ZNF423: variants seen among roughly 807,000 people sequenced by gnomAD.
ZNF423 encodes zinc finger protein 423.
Under a neutral mutation model 95.8 loss-of-function variants are expected in ZNF423, and 12 were observed. That is an observed-to-expected ratio of 0.13 (90% confidence interval 0.08 to 0.20). ZNF423 has a LOEUF of 0.20. Among genes scored for constraint, ZNF423 ranks in the 10% least tolerant of loss-of-function variants. The pLI, the probability that ZNF423 is intolerant of heterozygous loss-of-function variation, is 1.00. For missense variants in ZNF423, 1,316 were observed against 1,737.1 expected (o/e 0.76, Z 4.31); for synonymous variants, 749 against 711.9 (o/e 1.05, Z -0.83).
rs534706791 is a variant in ZNF423, at chr16:49,628,237, C to T, written c.3517-1983G>A. Among the ~76,000 whole-genome samples the T allele has an allele frequency of 2.0e-5, 3 of 151,380 alleles. No individual in the cohort carries two copies. In the South Asian group the frequency reaches 6.3e-4, roughly 32 times the overall value. ...CCCATTTATCTACATACTCACACAC[C>T]CATCCACCCATACTCCATCTACCCA... On this transcript the variant is annotated intron_variant, in intron 4 of 7. Transcript: ENST00000563137.
chr16:49,630,986 C>T (rs2151873497), intron 4 of ZNF423, among the ~76,000 whole-genome samples: 1 of 152,186 alleles, frequency 6.6e-6, no homozygotes, highest in East Asian at 1.9e-4. Flanking sequence ...CCCCAACTCA[C>T]CAGCAACACA....
At chr16:49,497,286 T>C (rs1967201190) in intron 7 of ZNF423, among the ~76,000 whole-genome samples, 1 of 152,214 alleles carries the variant, frequency 6.6e-6, no homozygotes, top group Non-Finnish European at 1.5e-5. Flanking sequence ...ACTGAGTTCC[T>C]GTCTGTCAGG....
At chr16:49,524,788 G>A (rs1968538326) in intron 6 of ZNF423, among the ~76,000 whole-genome samples, 1 of 152,222 alleles carries the variant, frequency 6.6e-6, no homozygotes. Flanking sequence ...CACACCGGCT[G>A]CCATCTGGGC....
chr16:49,514,220 G>GCACACA (rs1567435529), intron 7 of ZNF423, among the ~76,000 whole-genome samples: 8 of 133,068 alleles, frequency 6.0e-5, no homozygotes, highest in Non-Finnish European at 1.1e-4. Flanking sequence ...ACATGCACAC[G>GCACACA]CACATGCGTA....
intron 2 of ZNF423, among the ~76,000 whole-genome samples, chr16:49,762,508 A>G (rs890952399): frequency 4.6e-5 from 7 of 152,236 alleles, no homozygotes; most frequent in African/African-American, 1.7e-4. Context: ...CTGTGTCTAG[A>G]CAAGAGGACT....
rs1433569986 is a variant in ZNF423, at chr16:49,637,907, G to A, written c.1269C>T (p.Ser423=). The stretch of plus-strand genomic sequence containing the variant: ...CGGCCAGGCTGTTAAAGTCCCGCTT[G>A]GAACAATAGGGGCAGCTATAGACCA... ...TKVVYSCPYC[S]KRDFNSLAVL... is the part of the protein sequence containing the mutation. Residue 423 remains serine, a synonymous_variant, in exon 4 of 8, where the codon TCC becomes TCT. Transcript: ENST00000563137. This position sits in a 1 kb window ranked among gnomAD's most constrained non-coding sequence, Gnocchi z 5.6. 1.2e-6 allele frequency: 2 copies of A among 1,614,186 alleles called. No individual in the cohort carries two copies. Among genetic ancestry groups the A allele is most frequent in the South Asian group, 2.2e-5 (2 of 91,078 alleles).
chr16:49,828,482 C>T (rs895038224), intron 1 of ZNF423, among the ~76,000 whole-genome samples: 2 of 152,050 alleles, frequency 1.3e-5, no homozygotes, highest in East Asian at 1.9e-4. Context: ...TTACTCACAC[C>T]GACACTTCCC....
At chr16:49,732,401 T>C (rs1360422058) in intron 2 of ZNF423, among the ~76,000 whole-genome samples, 2 of 152,214 alleles carry the variant, frequency 1.3e-5, no homozygotes, top group Admixed American at 1.3e-4. Flanking sequence ...GACCCTCGGA[T>C]TGGAAAATAA....
chr16:49,842,647 C>T (rs373309953), intron 1 of ZNF423, among the ~76,000 whole-genome samples: 6 of 152,108 alleles, frequency 3.9e-5, no homozygotes, highest in African/African-American at 1.2e-4. Context: ...AACAATGTGC[C>T]ATTTTTTGCC....
At chr16:49,589,974 G>C (rs1364448841) in intron 5 of ZNF423, among the ~76,000 whole-genome samples, 1 of 149,480 alleles carries the variant, frequency 6.7e-6, no homozygotes, top group African/African-American at 2.5e-5. Context: ...ATTCCAACGA[G>C]TCTTGAGTCT....
At chr16:49,619,913 T>C (rs1015234647) in intron 5 of ZNF423, among the ~76,000 whole-genome samples, 1 of 152,146 alleles carries the variant, frequency 6.6e-6, no homozygotes, top group Non-Finnish European at 1.5e-5. Flanking sequence ...GACACTGACT[T>C]CCACTCCAGA....
chr16:49,783,703 G>A (rs906859222), intron 2 of ZNF423, among the ~76,000 whole-genome samples: 1 of 152,024 alleles, frequency 6.6e-6, no homozygotes, highest in African/African-American at 2.4e-5. Context: ...GTTGGTAGGA[G>A]GGAGGTCAAA....
At chr16:49,781,018 C>A (rs2034203793) in intron 2 of ZNF423, among the ~76,000 whole-genome samples, 1 of 152,210 alleles carries the variant, frequency 6.6e-6, no homozygotes, top group Non-Finnish European at 1.5e-5. Flanking sequence ...GGGCCACAGC[C>A]AGGCAGCTCC....
intron 2 of ZNF423, among the ~76,000 whole-genome samples, chr16:49,770,391 G>C (rs903796952): frequency 3.9e-5 from 6 of 152,156 alleles, no homozygotes; most frequent in African/African-American, 1.4e-4. Flanking sequence ...GTCCATCCAT[G>C]AGTAAATGTA....
chr16:49,696,259 G>A (rs1362692186), intron 3 of ZNF423, among the ~76,000 whole-genome samples: 1 of 152,222 alleles, frequency 6.6e-6, no homozygotes, highest in African/African-American at 2.4e-5. Flanking sequence ...CATTGCGATG[G>A]TGGGGGGTGG....
At chr16:49,850,551 A>G (rs1012370958) in intron 1 of ZNF423, among the ~76,000 whole-genome samples, 6 of 152,234 alleles carry the variant, frequency 3.9e-5, no homozygotes, top group African/African-American at 1.4e-4. Context: ...CATGAAGATA[A>G]TACCCTTTGC....
At chr16:49,625,405 G>A (rs1972226422) in intron 5 of ZNF423, among the ~76,000 whole-genome samples, 1 of 152,226 alleles carries the variant, frequency 6.6e-6, no homozygotes, top group Admixed American at 6.5e-5. Flanking sequence ...CAACTTCACT[G>A]CTCAGACTAG....
In ZNF423 at chr16:49,620,595, C is replaced by A. The variant is rs550521253; in HGVS notation, c.3601+5575G>T. On this transcript the variant is annotated intron_variant, in intron 5 of 7. Transcript: ENST00000563137. ...AGCCACTTTCCAAGGACAGCAAGGGCAAGCGTTCCTGACAAGATTCCCTGA... is the reference window on the plus strand; with the variant it reads ...AGCCACTTTCCAAGGACAGCAAGGGAAAGCGTTCCTGACAAGATTCCCTGA... Among the ~76,000 whole-genome samples the A allele has an allele frequency of 8.5e-5, 13 of 152,300 alleles. No homozygotes were observed. The East Asian group carries it at 2.5e-3, about 29-fold the overall frequency.
chr16:49,838,892 A>T (rs940349835), intron 1 of ZNF423, among the ~76,000 whole-genome samples: 1 of 151,204 alleles, frequency 6.6e-6, no homozygotes, highest in Non-Finnish European at 1.5e-5. Context: ...CGCGTTCCCA[A>T]TGCCGCCGCC....
Sources: allele counts gnomAD v4.1 joint callset (sites outside exome capture counted in the v4.1 genomes callset), GRCh38; gene constraint gnomAD v4.1.1; non-coding constraint Gnocchi (gnomAD v3.1); transcripts MANE v1.5; gene names NCBI Gene and HGNC (gene_info 2026-07-23, HGNC 2026-07-21).